FTL: variants seen among roughly 807,000 people sequenced by gnomAD.
The protein encoded by FTL is ferritin light chain.
In FTL, 17 loss-of-function variants were observed where a neutral mutation model predicts 16.6. The ratio of observed to expected loss-of-function variants is 1.02; its 90% CI spans 0.70 to 1.53. The LOEUF (loss-of-function observed/expected upper bound fraction) is 1.53. FTL is among the 40% of genes most tolerant of loss of function. FTL has a pLI of 0.00. For synonymous variants in FTL, 73 were observed against 89.9 expected, an observed-to-expected ratio of 0.81 and a Z score of 1.06; for missense variants, 186 against 226.1, an observed-to-expected ratio of 0.82 and a Z score of 1.14.
intron 2 of FTL, 170 bp from the exon 3 acceptor site, chr19:48,966,111 T>C: frequency 8.2e-7 from 1 of 1,221,042 alleles, no homozygotes; most frequent in Non-Finnish European, 1.2e-6. Flanking sequence ...CTGCGTGGTC[T>C]TAGGGACGTA....
Position 48,965,600 on chromosome 19 carries a change from C to A in FTL, c.93C>A (p.Tyr31Ter), listed in dbSNP as rs1555796995. The change falls in exon 1 of 4, where the codon TAC (tyrosine) becomes TAA (stop). Residue 31 changes from tyrosine to a stop codon, truncating the protein, a stop_gained. Coordinates refer to ENST00000331825, the MANE Select transcript of FTL (RefSeq NM_000146.4). LOFTEE classifies it high-confidence loss of function. ...TGTACCTGCAGGCCTCCTACACCTA[C>A]CTCTCTCTGGTGAGTCCCCAGGACG... ...VNLYLQASYT[Y>*]LSLGFYFDRD... The A allele has an allele frequency of 6.2e-7, 1 of 1,613,092 alleles. No homozygotes were observed. The highest frequency in any genetic ancestry group is 8.5e-7 in the Non-Finnish European group (1 of 1,179,006).
Position 48,965,923 on chromosome 19 carries a change from A to T in FTL, c.249+7A>T, listed in dbSNP as rs1306526067. ...TCTCTTCCAGGACATCAAGGTAACT[A>T]GTGTGTGGGTAATGGACTACATCTC... On this transcript the variant is annotated splice_region_variant and intron_variant, in intron 2 of 3. Transcript: ENST00000331825. The T allele has an allele frequency of 1.9e-6, 3 of 1,614,014 alleles. No individual in the cohort carries two copies. Among genetic ancestry groups the T allele is most frequent in the Non-Finnish European group, 2.5e-6 (3 of 1,179,930 alleles).
rs774740467 is a variant in FTL at position 48,966,609 on chromosome 19, C to T, written c.402C>T (p.Phe134=). The T allele has an allele frequency of 6.2e-7, 1 of 1,614,132 alleles. No individual in the cohort carries two copies. The highest frequency in any genetic ancestry group is 1.7e-5 in the Admixed American group (1 of 60,006). The change falls in exon 4 of 4, where the codon TTC becomes TTT. Residue 134 remains phenylalanine (F), a synonymous_variant. Coordinates refer to ENST00000331825, the MANE Select transcript of FTL (RefSeq NM_000146.4). ...TCTGTGACTTCCTGGAGACTCACTT[C>T]CTAGATGAGGAAGTGAAGCTTATCA... is the stretch of plus-strand genomic sequence containing the variant. ...PHLCDFLETH[F]LDEEVKLIKK...
chr19:48,965,418 G>A lies in FTL; in HGVS notation c.-90G>A. 3 of 868,462 alleles carry A rather than the reference G, an allele frequency of 3.5e-6. No homozygotes were observed. The highest frequency in any genetic ancestry group is 5.8e-6 in the Non-Finnish European group (3 of 514,872). 53.8% of individuals were successfully genotyped at this position (868,462 alleles called of 1,614,324 possible). A position where few individuals can be genotyped will look rare whatever the true frequency, so the allele number is the denominator to read the frequency against. ...CCGCCCTCCGATTTCCTCTCCGCTTGCAACCTCCGGGACCATCTTCTCGGC... is the reference window on the plus strand; with the variant it reads ...CCGCCCTCCGATTTCCTCTCCGCTTACAACCTCCGGGACCATCTTCTCGGC... On this transcript the variant is annotated 5_prime_UTR_variant, in exon 1 of 4. Transcript: ENST00000331825.
chr19:48,966,576 C>T lies in FTL; in HGVS notation c.376-7C>T. 6.2e-7 allele frequency: 1 copy of T among 1,614,096 alleles called. No individual in the cohort carries two copies. Among genetic ancestry groups the T allele is most frequent in the Non-Finnish European group, 8.5e-7 (1 of 1,179,966 alleles). On this transcript the variant is annotated splice_region_variant and splice_polypyrimidine_tract_variant and intron_variant, in intron 3 of 3. Coordinates refer to ENST00000331825, the MANE Select transcript of FTL (RefSeq NM_000146.4). ...TGGGTTTCTAATTTCTCCCTCTTCT[C>T]TCTCAGCTCTGTGACTTCCTGGAGA...
rs1600121317 is a variant in FTL at position 48,965,573 on chromosome 19, T to C, written c.66T>C (p.Asn22=). The C allele has an allele frequency of 6.2e-7, 1 of 1,614,068 alleles. No individual in the cohort carries two copies. The highest frequency in any genetic ancestry group is 2.2e-5 in the East Asian group (1 of 44,876). ...AGGCAGCCGTCAACAGCCTGGTCAA[T>C]TTGTACCTGCAGGCCTCCTACACCT... ...DVEAAVNSLV[N]LYLQASYTYL... Residue 22 remains asparagine (N), a synonymous_variant, in exon 1 of 4, where the codon AAT becomes AAC. Transcript: ENST00000331825.
Position 48,965,576 on chromosome 19 carries a change from G to C in FTL, c.69G>C (p.Leu23Phe). The change falls in exon 1 of 4, where the codon TTG (leucine) becomes TTC (phenylalanine). Residue 23 changes from leucine (L) to phenylalanine (F), a missense_variant. By Grantham distance (22) the Leu-to-Phe change is conservative. Transcript: ENST00000331825. ...CAGCCGTCAACAGCCTGGTCAATTT[G>C]TACCTGCAGGCCTCCTACACCTACC... ...VEAAVNSLVN[L>F]YLQASYTYLS... The C allele has an allele frequency of 1.2e-6, 2 of 1,614,022 alleles. No individual in the cohort carries two copies. The highest frequency in any genetic ancestry group is 1.7e-6 in the Non-Finnish European group (2 of 1,179,890).
chr19:48,965,820 C>G lies in FTL; in HGVS notation c.153C>G (p.Phe51Leu). ...DDVALEGVSH[F>L]FRELAEEKRE... ...TGGCTCTGGAAGGCGTGAGCCACTT[C>G]TTCCGCGAATTGGCCGAGGAGAAGC... Residue 51 changes from phenylalanine (F) to leucine (L), a missense_variant, in exon 2 of 4, where the codon TTC becomes TTG. By Grantham distance (22) the Phe-to-Leu change is conservative. Coordinates refer to ENST00000331825, the MANE Select transcript of FTL (RefSeq NM_000146.4). 1 of 1,614,206 alleles carries G rather than the reference C, an allele frequency of 6.2e-7. No homozygotes were observed. The highest frequency in any genetic ancestry group is 8.5e-7 in the Non-Finnish European group (1 of 1,180,036).
At position 48,965,590 on chromosome 19, in the gene FTL, C is replaced by G; in HGVS notation, c.83C>G (p.Ser28Cys). ...NSLVNLYLQASYTYLSLGFYF... is the reference protein window; with the variant it reads ...NSLVNLYLQACYTYLSLGFYF... ...CTGGTCAATTTGTACCTGCAGGCCTCCTACACCTACCTCTCTCTGGTGAGT... is the reference window on the plus strand; with the variant it reads ...CTGGTCAATTTGTACCTGCAGGCCTGCTACACCTACCTCTCTCTGGTGAGT... Residue 28 changes from serine to cysteine, a missense_variant, in exon 1 of 4, where the codon TCC becomes TGC. Ser to Cys is a moderately radical substitution (Grantham distance 112). Transcript: ENST00000331825. The G allele has an allele frequency of 6.2e-7, 1 of 1,613,572 alleles. No individual in the cohort carries two copies. Among genetic ancestry groups the G allele is most frequent in the Non-Finnish European group, 8.5e-7 (1 of 1,179,472 alleles).
chr19:48,966,166 G>A, intron 2 of FTL, 115 bp from the exon 3 acceptor site: 13 of 1,460,736 alleles, frequency 8.9e-6, no homozygotes, highest in Non-Finnish European at 1.2e-5. Flanking sequence ...ATAAATACAA[G>A]CTGTCACATG....
rs2038447155 is a variant in FTL, at chr19:48,965,892, C to T, written c.225C>T (p.Gly75=). The T allele has an allele frequency of 3.1e-6, 5 of 1,614,000 alleles. No homozygotes were observed. The highest frequency in any genetic ancestry group is 1.3e-5 in the African/African-American group (1 of 74,926). Residue 75 remains glycine, a synonymous_variant, in exon 2 of 4, where the codon GGC becomes GGT. Transcript: ENST00000331825. ...TGAAGATGCAAAACCAGCGTGGCGGCCGCGCTCTCTTCCAGGACATCAAGG... is the reference window on the plus strand; with the variant it reads ...TGAAGATGCAAAACCAGCGTGGCGGTCGCGCTCTCTTCCAGGACATCAAGG... The part of the protein sequence containing the change: ...RLLKMQNQRG[G]RALFQDIKKP...
In FTL at chr19:48,965,362, A is replaced by G. The variant is rs1416640478; in HGVS notation, c.-146A>G. On this transcript the variant is annotated 5_prime_UTR_variant, in exon 1 of 4. Transcript: ENST00000331825. ...CTTGCTTCAACAGTGTTTGGACGGA[A>G]CAGATCCGGGGACTCTCTTCCAGCC... The G allele has an allele frequency of 7.1e-6, 5 of 700,194 alleles. No individual in the cohort carries two copies. The African/African-American group carries it at 8.7e-5, about 12-fold the overall frequency. 43.4% of individuals were successfully genotyped at this position (700,194 alleles called of 1,614,324 possible). A position where few individuals can be genotyped will look rare whatever the true frequency, so the allele number is the denominator to read the frequency against.
chr19:48,966,474 T>C (rs927335101), intron 3 of FTL, 68 bp downstream of exon 3: 5 of 1,613,852 alleles, frequency 3.1e-6, no homozygotes, highest in Non-Finnish European at 4.2e-6. Flanking sequence ...TTGGGCAAAT[T>C]TCCTTCAGAG....
chr19:48,965,942 A>G (rs760239364), intron 2 of FTL, 26 bp downstream of exon 2: 2 of 1,612,992 alleles, frequency 1.2e-6, no homozygotes, highest in East Asian at 2.2e-5. Context: ...GTAATGGACT[A>G]CATCTCCCAG....
At chr19:48,966,538 C>G (rs777408892) in intron 3 of FTL, 45 bp from the exon 4 acceptor site, 160 of 1,613,056 alleles carry the variant, frequency 9.9e-5, no homozygotes, top group Non-Finnish European at 1.2e-4. Context: ...CTCTCCCCCT[C>G]TTTTCCAGGG....
intron 2 of FTL, 40 bp from the exon 3 acceptor site, chr19:48,966,241 C>A: frequency 6.2e-7 from 1 of 1,613,352 alleles, no homozygotes; most frequent in South Asian, 1.1e-5. Context: ...TTCTATGTGC[C>A]GAGTGTGTGT....
intron 2 of FTL, 86 bp downstream of exon 2, chr19:48,966,002 G>T: frequency 6.5e-7 from 1 of 1,529,636 alleles, no homozygotes; most frequent in Non-Finnish European, 8.9e-7. Flanking sequence ...GTGTCGCGTG[G>T]GCTTCTGGGA....
Position 48,966,338 on chromosome 19 carries a change from C to G in FTL, c.307C>G (p.Leu103Val). Residue 103 changes from leucine to valine, a missense_variant, in exon 3 of 4, where the codon CTG (leucine) becomes GTG (valine). Transcript: ENST00000331825. Reference protein sequence around the residue: ...TPDAMKAAMALEKKLNQALLD... With the variant: ...TPDAMKAAMAVEKKLNQALLD... ...AGACGCCATGAAAGCTGCCATGGCC[C>G]TGGAGAAAAAGCTGAACCAGGCCCT... 1 of 1,614,154 alleles carries G rather than the reference C, an allele frequency of 6.2e-7. No homozygotes were observed. Among genetic ancestry groups the G allele is most frequent in the Non-Finnish European group, 8.5e-7 (1 of 1,180,004 alleles).
In FTL at chr19:48,965,435, C is replaced by T. The variant is rs1405296867; in HGVS notation, c.-73C>T. The T allele has an allele frequency of 2.0e-6, 2 of 1,004,192 alleles. No individual in the cohort carries two copies. Among genetic ancestry groups the T allele is most frequent in the African/African-American group, 3.2e-5 (2 of 63,402 alleles). 62.2% of individuals were successfully genotyped at this position (1,004,192 alleles called of 1,614,324 possible). On this transcript the variant is annotated 5_prime_UTR_variant, in exon 1 of 4. Transcript: ENST00000331825. ...CTCCGCTTGCAACCTCCGGGACCATCTTCTCGGCCATCTCCTGCTTCTGGG... is the reference window on the plus strand; with the variant it reads ...CTCCGCTTGCAACCTCCGGGACCATTTTCTCGGCCATCTCCTGCTTCTGGG...
Sources: allele counts gnomAD v4.1 joint callset, GRCh38; gene constraint gnomAD v4.1.1; transcripts MANE v1.5; gene names NCBI Gene and HGNC (gene_info 2026-07-23, HGNC 2026-07-21).